DST: variants seen among roughly 807,000 people sequenced by gnomAD.
The protein encoded by DST is bullous pemphigoid antigen.
Under a neutral mutation model 875.2 loss-of-function variants are expected in DST, and 253 were observed. The ratio of observed to expected loss-of-function variants is 0.29; its 90% confidence interval spans 0.26 to 0.32. DST has a LOEUF of 0.32. Ranked by LOEUF, DST falls within the 10% of genes least tolerant of loss-of-function variation. The pLI, the probability that DST is intolerant of heterozygous loss-of-function variation, is 1.00. For missense variants in DST, 8,287 were observed against 9,111.6 expected (o/e 0.91, Z 3.68); for synonymous variants, 3,124 against 3,197.1 (o/e 0.98, Z 0.77).
intron 12 of DST, among the ~76,000 whole-genome samples, chr6:56,650,594 A>C (rs1038768517): frequency 6.6e-6 from 1 of 152,240 alleles, no homozygotes; most frequent in Non-Finnish European, 1.5e-5. Context: ...TACATACAAA[A>C]GAATAGCAAA....
chr6:56,703,814 G>A (rs1030550797), intron 6 of DST, 68 bp from the exon 7 acceptor site: 3 of 457,206 alleles, frequency 6.6e-6, no homozygotes, highest in African/African-American at 4.3e-5. Context: ...GAAAAGAAGA[G>A]CATGAACAGA....
intron 9 of DST, among the ~76,000 whole-genome samples, chr6:56,686,729 C>T (rs1232165061): frequency 6.6e-6 from 1 of 152,146 alleles, no homozygotes; most frequent in Non-Finnish European, 1.5e-5. Flanking sequence ...TGCTCTGTGT[C>T]TAAAGGAGAG....
At chr6:56,903,289 G>T (rs1251383604) in intron 2 of DST, among the ~76,000 whole-genome samples, 1 of 152,042 alleles carries the variant, frequency 6.6e-6, no homozygotes, top group Non-Finnish European at 1.5e-5. Flanking sequence ...GAAACACTTA[G>T]GGAGAAAAAC....
intron 2 of DST, among the ~76,000 whole-genome samples, chr6:56,930,206 G>C (rs972529847): frequency 6.6e-6 from 1 of 152,212 alleles, no homozygotes; most frequent in Non-Finnish European, 1.5e-5. Flanking sequence ...GGCCTATGCC[G>C]TATCTTGGTT....
Position 56,619,388 on chromosome 6 carries a change from T to C in DST, c.4930-4904A>G, listed in dbSNP as rs756844669. 7.4e-6 allele frequency: 12 copies of C among 1,613,618 alleles called. No individual in the cohort carries two copies. The East Asian group carries it at 2.5e-4, about 33-fold the overall frequency. ...CCTTTGGATTTTATCATTATTTTCT[T>C]TTTCAGCTTTGATATTTTGAAGCAA... On this transcript the variant is annotated intron_variant, in intron 36 of 103. Coordinates refer to ENST00000680361, the MANE Select transcript of DST (RefSeq NM_001374736.1).
intron 3 of DST, among the ~76,000 whole-genome samples, chr6:56,898,811 T>C (rs537160639): frequency 1.1e-4 from 17 of 152,370 alleles, no homozygotes; most frequent in Admixed American, 5.2e-4. Flanking sequence ...TGCTTATCTG[T>C]AAATATTTCT....
chr6:56,712,245 A>C (rs1298100508), intron 5 of DST, among the ~76,000 whole-genome samples: 1 of 152,028 alleles, frequency 6.6e-6, no homozygotes, highest in Non-Finnish European at 1.5e-5. Flanking sequence ...CTTTCTTTAA[A>C]CTCTTTTTCA....
At chr6:56,733,921 T>A (rs971981938) in intron 5 of DST, among the ~76,000 whole-genome samples, 2 of 152,090 alleles carry the variant, frequency 1.3e-5, no homozygotes, top group Non-Finnish European at 1.5e-5. Flanking sequence ...GTTAACAAGA[T>A]AAAAATTTAG....
rs199543748 is a variant in DST at position 56,624,649 on chromosome 6, A to C, written c.4831-21T>G. 8.9e-5 allele frequency: 133 copies of C among 1,488,148 alleles called. No individual in the cohort carries two copies. In the East Asian group the frequency reaches 1.3e-3, roughly 14 times the overall value. 92.2% of individuals were successfully genotyped at this position (1,488,148 alleles called of 1,614,324 possible). ...ATGAACTGCAAGTAAGGAAAAAAATAATAAAAGCATTACCTCCAGTTACTC... is the reference window on the plus strand; with the variant it reads ...ATGAACTGCAAGTAAGGAAAAAAATCATAAAAGCATTACCTCCAGTTACTC... On this transcript the variant is annotated intron_variant, in intron 35 of 103. Coordinates refer to ENST00000680361, the MANE Select transcript of DST (RefSeq NM_001374736.1).
At position 56,573,612 on chromosome 6, in the gene DST, C is replaced by T. The variant is rs115759460; in HGVS notation, c.13236+67G>A. 539 of 1,181,738 alleles carry T rather than the reference C, an allele frequency of 4.6e-4. 2 individuals are homozygous for T. In the African/African-American group the frequency reaches 7.4e-3, roughly 16 times the overall value. The allele number at this position is 1,181,738 out of a possible 1,614,324, so 73.2% of individuals were successfully genotyped here. ...CTTAAGTTTATCTTAAATCTAACTA[C>T]ACTTTGAGCTTATAAAACTGTTTTT... On this transcript the variant is annotated intron_variant, in intron 51 of 103. Coordinates refer to ENST00000680361, the MANE Select transcript of DST (RefSeq NM_001374736.1).
chr6:56,649,640 T>C (rs765314488), intron 12 of DST, among the ~76,000 whole-genome samples: 1 of 152,140 alleles, frequency 6.6e-6, no homozygotes, highest in Non-Finnish European at 1.5e-5. Context: ...AGTCAGGACA[T>C]TGACATGGAA....
At chr6:56,590,525 C>T (rs1036274895) in intron 49 of DST, among the ~76,000 whole-genome samples, 3 of 152,096 alleles carry the variant, frequency 2.0e-5, no homozygotes, top group Non-Finnish European at 4.4e-5. Flanking sequence ...TCCTCTACCC[C>T]CACCACATAT....
At position 56,613,522 on chromosome 6, in the gene DST, T is replaced by C. The variant is rs567378088; in HGVS notation, c.5058+834A>G. 8.2e-4 allele frequency among the ~76,000 whole-genome samples: 125 copies of C among 152,328 alleles called. 1 individual carries two copies. The highest frequency in any genetic ancestry group is 2.9e-3 in the South Asian group (14 of 4,832). Reference sequence around the variant, plus strand: ...TAGAAGTGGGAGCTAAACATTAAGATTGGATGATAGCCTTGAAATTTCTAA... The same window carrying C: ...TAGAAGTGGGAGCTAAACATTAAGACTGGATGATAGCCTTGAAATTTCTAA... On this transcript the variant is annotated intron_variant, in intron 37 of 103. Transcript: ENST00000680361.
intron 69 of DST, among the ~76,000 whole-genome samples, chr6:56,520,286 A>G (rs78062836): frequency 0.011 from 1,733 of 152,318 alleles, 45 homozygotes; most frequent in African/African-American, 0.04. Flanking sequence ...TATTCATGTT[A>G]TCAGAGTCCC....
chr6:56,658,779 A>T (rs1189990184), intron 10 of DST, among the ~76,000 whole-genome samples: 1 of 152,220 alleles, frequency 6.6e-6, no homozygotes, highest in African/African-American at 2.4e-5. Context: ...GCCACTGTGC[A>T]TATGGAGAGC....
In DST at chr6:56,616,414, G is replaced by A. The variant is rs2230867; in HGVS notation, c.4930-1930C>T. Reference sequence around the variant, plus strand: ...GGTTTCTCTGGAAAGCCTCATACACGGTCAATTCTGATCCTGTTTTAGTAT... The same window carrying A: ...GGTTTCTCTGGAAAGCCTCATACACAGTCAATTCTGATCCTGTTTTAGTAT... On this transcript the variant is annotated intron_variant, in intron 36 of 103. Transcript: ENST00000680361. 1.1e-4 allele frequency: 173 copies of A among 1,613,796 alleles called. No individual in the cohort carries two copies. The South Asian group carries it at 1.7e-3, about 16-fold the overall frequency.
chr6:56,502,811 G>A (rs1562407975), intron 78 of DST, among the ~76,000 whole-genome samples: 1 of 152,056 alleles, frequency 6.6e-6, no homozygotes, highest in Admixed American at 6.6e-5. Flanking sequence ...GTCACACTTA[G>A]ATATGAAAAT....
In DST at chr6:56,617,286, A is replaced by G. The variant is rs756626669; in HGVS notation, c.4930-2802T>C. 1 of 1,613,338 alleles carries G rather than the reference A, an allele frequency of 6.2e-7. No homozygotes were observed. The highest frequency in any genetic ancestry group is 8.5e-7 in the Non-Finnish European group (1 of 1,179,816). On this transcript the variant is annotated intron_variant, in intron 36 of 103. Coordinates refer to ENST00000680361, the MANE Select transcript of DST (RefSeq NM_001374736.1). ...TCTGGTTCTAAGCCCTTCTTAAGGA[A>G]ATCCCCTTTCTTGAGTCCACCAGAT... is the stretch of plus-strand genomic sequence containing the variant.
Position 56,487,125 on chromosome 6 carries a change from A to G in DST, c.21026T>C (p.Ile7009Thr). ...TTACCTTTCCACAGATTTTCCACATATGGTATCCCATTTGTCTCTGAGTTC... is the reference window on the plus strand; with the variant it reads ...TTACCTTTCCACAGATTTTCCACATGTGGTATCCCATTTGTCTCTGAGTTC... ...LSELRDKWDTICGKSVERQNK... is the reference protein window; with the variant it reads ...LSELRDKWDTTCGKSVERQNK... Residue 7009 changes from isoleucine (I) to threonine (T), a missense_variant, in exon 87 of 104, where the codon ATA (isoleucine) becomes ACA (threonine). Ile to Thr is a moderately conservative substitution (Grantham distance 89). Around this residue, in one of 10 missense-constraint regions of DST, gnomAD observed 1,292 missense variants for 1,552.7 expected, o/e 0.83. Coordinates refer to ENST00000680361, the MANE Select transcript of DST (RefSeq NM_001374736.1). The G allele has an allele frequency of 6.2e-7, 1 of 1,613,900 alleles. No homozygotes were observed.
Sources: gnomAD v4.1 joint callset for allele counts (sites outside exome capture counted in the v4.1 genomes callset) on GRCh38, gnomAD v4.1.1 for gene constraint, gnomAD v4.1.1 regional missense constraint, MANE v1.5 for transcripts, NCBI Gene and HGNC (gene_info 2026-07-23, HGNC 2026-07-21) for gene names.